The following GLT1D1 variants were observed in gnomAD, a reference collection of about 807,000 sequenced individuals.
The protein encoded by GLT1D1 is glycosyltransferase 1 domain containing 1.
In GLT1D1, 21 loss-of-function variants were observed where a neutral mutation model predicts 28.7. The ratio of observed to expected loss-of-function variants is 0.73; its 90% CI spans 0.52 to 1.05. GLT1D1 has a LOEUF of 1.05. GLT1D1 is among the 50% of genes least tolerant of loss of function. The probability of loss-of-function intolerance (pLI) is 0.00; values close to 1 mark genes in which losing one functional copy is unlikely to be tolerated. For synonymous variants in GLT1D1, 147 were observed against 124.8 expected (o/e 1.18, Z -1.19); for missense variants, 343 against 330.6 (o/e 1.04, Z -0.29).
rs1873442046 is a variant in GLT1D1 at position 128,928,014 on chromosome 12, A to AAAAC, written c.376-17309_376-17308insCAAA. Reference sequence around the variant, plus strand: ...GACTCTGTCTCAAAAAAAAAAAAAAAAAAAAAAAAAACAAAAAAGAATAGA... The same window carrying AAAAC: ...GACTCTGTCTCAAAAAAAAAAAAAAAAAACAAAAAAAAAAACAAAAAAGAATAGA... On this transcript the variant is annotated intron_variant, in intron 4 of 7. Transcript: ENST00000281703. Among the ~76,000 whole-genome samples, 3 of 144,946 alleles carry AAAAC rather than the reference A, an allele frequency of 2.1e-5. No individual in the cohort carries two copies. In the South Asian group the frequency reaches 6.4e-4, roughly 31 times the overall value.
intron 7 of GLT1D1, among the ~76,000 whole-genome samples, chr12:128,960,716 C>T (rs1344031896): frequency 2.0e-5 from 3 of 151,596 alleles, no homozygotes; most frequent in South Asian, 2.1e-4. Context: ...GAGACTGCAC[C>T]GAGATTGCAC....
chr12:128,944,729 G>A (rs1220164903), intron 4 of GLT1D1: 20 of 595,698 alleles, frequency 3.4e-5, no homozygotes, highest in Non-Finnish European at 5.6e-5. Flanking sequence ...GAAGGGCCAC[G>A]CCAAGATGAC....
chr12:128,955,977 G>A (rs1291318419), intron 6 of GLT1D1, among the ~76,000 whole-genome samples: 1 of 151,490 alleles, frequency 6.6e-6, no homozygotes, highest in Non-Finnish European at 1.5e-5. Flanking sequence ...GGCTAACACA[G>A]TGAAACCCCA....
chr12:128,939,049 C>T (rs1283151707), intron 4 of GLT1D1, among the ~76,000 whole-genome samples: 1 of 151,952 alleles, frequency 6.6e-6, no homozygotes, highest in Non-Finnish European at 1.5e-5. Context: ...TACCTGAGGC[C>T]AGGTTGTTGC....
intron 1 of GLT1D1, among the ~76,000 whole-genome samples, chr12:128,861,746 G>A (rs1956379936): frequency 1.3e-5 from 2 of 152,154 alleles, no homozygotes; most frequent in African/African-American, 2.4e-5. Context: ...CCAGAAAGGA[G>A]AGAAAGCGAA....
chr12:128,955,689 T>C (rs1877205044), intron 6 of GLT1D1, among the ~76,000 whole-genome samples: 1 of 152,128 alleles, frequency 6.6e-6, no homozygotes, highest in African/African-American at 2.4e-5. Flanking sequence ...GGCTGACGCA[T>C]TCCTCAGGGT....
intron 2 of GLT1D1, among the ~76,000 whole-genome samples, chr12:128,879,614 G>A (rs1207436075): frequency 6.6e-6 from 1 of 151,816 alleles, no homozygotes; most frequent in African/African-American, 2.4e-5. Context: ...GCACCACCAT[G>A]CCCAGCTACT....
intron 4 of GLT1D1, among the ~76,000 whole-genome samples, chr12:128,911,224 C>T (rs912380276): frequency 2.6e-5 from 4 of 152,246 alleles, no homozygotes; most frequent in Admixed American, 6.5e-5. Context: ...GCCACCATGC[C>T]TGGCCGTGCC....
chr12:128,888,652 T>C lies in GLT1D1; in HGVS notation c.231T>C (p.Pro77=). Reference sequence around the variant, plus strand: ...ATCGTTTTGCAGGCCACCGAATCCCTTTTGGAGTCATCTTTGGTGGAACTG... The same window carrying C: ...ATCGTTTTGCAGGCCACCGAATCCCCTTTGGAGTCATCTTTGGTGGAACTG... The change falls in exon 3 of 8, where the codon CCT becomes CCC. Residue 77 remains proline, a synonymous_variant. Coordinates refer to ENST00000281703, the MANE Select transcript of GLT1D1 (RefSeq NM_144669.3). The C allele has an allele frequency of 6.2e-7, 1 of 1,611,900 alleles. No individual in the cohort carries two copies. The highest frequency in any genetic ancestry group is 8.5e-7 in the Non-Finnish European group (1 of 1,178,164).
chr12:128,875,837 T>C, intron 1 of GLT1D1, 77 bp from the exon 2 acceptor site: 11 of 1,274,416 alleles, frequency 8.6e-6, no homozygotes, highest in Non-Finnish European at 1.1e-5. Context: ...AAAAAAAAAG[T>C]CTTAACTGTA....
chr12:128,898,455 G>A (rs558814953), intron 3 of GLT1D1, among the ~76,000 whole-genome samples: 2 of 152,198 alleles, frequency 1.3e-5, no homozygotes, highest in Non-Finnish European at 2.9e-5. Flanking sequence ...GGGATTACAA[G>A]TGTGAGCCAC....
rs778402828 is a variant in GLT1D1, at chr12:128,983,064, A to C, written c.775A>C (p.Lys259Gln). 1.2e-6 allele frequency: 2 copies of C among 1,614,122 alleles called. No homozygotes were observed. The highest frequency in any genetic ancestry group is 8.5e-7 in the Non-Finnish European group (1 of 1,180,016). The change falls in exon 8 of 8, where the codon AAG becomes CAG. Residue 259 changes from lysine to glutamine, a missense_variant. Transcript: ENST00000281703. This position sits in a 1 kb window ranked among gnomAD's most constrained non-coding sequence, Gnocchi z 4.7. ...AGACACCTACCAACAGCTCATCAGG[A>C]AGCTGGAAGGAAGCACTGAAGATTG...
intron 4 of GLT1D1, among the ~76,000 whole-genome samples, chr12:128,911,330 G>A (rs1871502333): frequency 6.6e-6 from 1 of 152,154 alleles, no homozygotes; most frequent in African/African-American, 2.4e-5. Context: ...CCCTTGGCAG[G>A]GCTACTTCAC....
rs377377789 is a variant in GLT1D1, at chr12:128,982,986, G to A, written c.697G>A (p.Val233Ile). The stretch of plus-strand genomic sequence containing the variant: ...TGATCCTGCATTAGAAAAGGAAATC[G>A]TAGTGAACGGAAGGGAATACGTGAG... The change falls in exon 8 of 8, where the codon GTA becomes ATA. Residue 233 changes from valine (V) to isoleucine (I), a missense_variant. By Grantham distance (29) the Val-to-Ile change is conservative (BLOSUM62 3). Transcript: ENST00000281703. 4.6e-5 allele frequency: 75 copies of A among 1,613,972 alleles called. No homozygotes were observed. Among genetic ancestry groups the A allele is most frequent in the Non-Finnish European group, 5.5e-5 (65 of 1,179,820 alleles).
At chr12:128,918,471 A>G (rs1872327829) in intron 4 of GLT1D1, among the ~76,000 whole-genome samples, 1 of 152,178 alleles carries the variant, frequency 6.6e-6, no homozygotes, top group Admixed American at 6.5e-5. Flanking sequence ...CCTGGAACTT[A>G]AAATAAAATA....
rs528669860 is a variant in GLT1D1, at chr12:128,954,332, A to G, written c.541-3213A>G. On this transcript the variant is annotated intron_variant, in intron 6 of 7. Transcript: ENST00000281703. Reference sequence around the variant, plus strand: ...TTTTTAGTAGAGATGGTGTTTCACCATGTTAGCCAGGATGGTCTCGATCTC... The same window carrying G: ...TTTTTAGTAGAGATGGTGTTTCACCGTGTTAGCCAGGATGGTCTCGATCTC... Among the ~76,000 whole-genome samples, 741 of 145,608 alleles carry G rather than the reference A, an allele frequency of 5.1e-3. 12 individuals are homozygous for G. Among genetic ancestry groups the G allele is most frequent in the African/African-American group, 0.017 (681 of 39,434 alleles).
Position 128,876,071 on chromosome 12 carries a change from C to T in GLT1D1, c.217+9C>T. 2 of 1,592,102 alleles carry T rather than the reference C, an allele frequency of 1.3e-6. No homozygotes were observed. Among genetic ancestry groups the T allele is most frequent in the East Asian group, 4.5e-5 (2 of 44,410 alleles). On this transcript the variant is annotated intron_variant, in intron 2 of 7. Transcript: ENST00000281703. ...AGGCAGGCTTTTGCAAGGTAATCCT[C>T]TTTTTCTTCAAAAGTAAAACACTAG...
rs1445357728 is a variant in GLT1D1 at position 128,914,805 on chromosome 12, G to A, written c.375+15518G>A. 7.2e-6 allele frequency: 5 copies of A among 692,602 alleles called. No homozygotes were observed. In the East Asian group the frequency reaches 1.4e-4, roughly 19 times the overall value. 42.9% of individuals were successfully genotyped at this position (692,602 alleles called of 1,614,324 possible). Reference sequence around the variant, plus strand: ...ACTGCACTGCAGCCTGGGTGACAGAGCGAGACTCTGTCTCAAAATAATAAG... The same window carrying A: ...ACTGCACTGCAGCCTGGGTGACAGAACGAGACTCTGTCTCAAAATAATAAG... On this transcript the variant is annotated intron_variant, in intron 4 of 7. Transcript: ENST00000281703.
Position 128,983,040 on chromosome 12 carries a change from G to C in GLT1D1, c.751G>C (p.Asp251His), listed in dbSNP as rs767390154. ...GTATCATTCATGGCAGGTGGAAAGA[G>C]ACACCTACCAACAGCTCATCAGGAA... Residue 251 changes from aspartate (D) to histidine (H), a missense_variant, in exon 8 of 8, where the codon GAC becomes CAC. By Grantham distance (81) the Asp-to-His change is moderately conservative (BLOSUM62 -1). Coordinates refer to ENST00000281703, the MANE Select transcript of GLT1D1 (RefSeq NM_144669.3). This position sits in a 1 kb window ranked among gnomAD's most constrained non-coding sequence, Gnocchi z 4.7. 5.3e-5 allele frequency: 85 copies of C among 1,613,954 alleles called. No individual in the cohort carries two copies. In the Middle Eastern group the frequency reaches 1.3e-3, roughly 25 times the overall value.
Sources: gnomAD v4.1 joint callset for allele counts (sites outside exome capture counted in the v4.1 genomes callset) on GRCh38, gnomAD v4.1.1 for gene constraint, Gnocchi (gnomAD v3.1) non-coding constraint, MANE v1.5 for transcripts, NCBI Gene and HGNC (gene_info 2026-07-23, HGNC 2026-07-21) for gene names.